The following WDR88 variants were observed in gnomAD, a reference collection of about 807,000 sequenced individuals.
WDR88 encodes WD repeat domain 88.
A neutral mutation model predicts 46.8 loss-of-function variants in WDR88; 40 were observed. The ratio of observed to expected loss-of-function variants is 0.86; its 90% CI spans 0.66 to 1.11. WDR88 has a LOEUF of 1.11. Among genes scored for constraint, WDR88 ranks in the 50% most tolerant of loss-of-function variants. The pLI is 0.00. For synonymous variants in WDR88, 235 were observed against 240.7 expected, an observed-to-expected ratio of 0.98 and a Z score of 0.22; for missense variants, 562 against 602.4, an observed-to-expected ratio of 0.93 and a Z score of 0.70.
At chr19:33,137,102 CT>C (rs1426435685) in intron 1 of WDR88, among the ~76,000 whole-genome samples, 4 of 107,634 alleles carry the variant, frequency 3.7e-5, no homozygotes, top group African/African-American at 2.2e-4. Context: ...GGCTCATTTT[CT>C]TTCTTCTTCT....
chr19:33,148,207 C>A (rs1973558895), intron 4 of WDR88, among the ~76,000 whole-genome samples: 1 of 151,962 alleles, frequency 6.6e-6, no homozygotes. Flanking sequence ...TCAAGACTCC[C>A]ACTCGGCCCT....
chr19:33,146,481 TTCCTTCCTTCCTTCCCCTTCCTTC>T, intron 3 of WDR88, among the ~76,000 whole-genome samples: 1 of 86,702 alleles, frequency 1.2e-5, no homozygotes, highest in South Asian at 5.7e-4. Context: ...CCTTCCTTCC[TTCCTTCCTTCCTTCCCCTTCCTTC>T]CTCCCTTCCT....
intron 8 of WDR88, among the ~76,000 whole-genome samples, chr19:33,163,655 T>C (rs1406982103): frequency 6.6e-6 from 1 of 151,692 alleles, no homozygotes; most frequent in Admixed American, 6.6e-5. Context: ...TTTTTTTTTT[T>C]TTGAGACAGT....
At chr19:33,174,915 C>A in intron 10 of WDR88, 1 of 985,428 alleles carries the variant, frequency 1.0e-6, no homozygotes, top group Non-Finnish European at 1.2e-6. Flanking sequence ...ATTCTCTCTG[C>A]AATTTCCGCC....
chr19:33,175,489 G>A lies in WDR88; in HGVS notation c.1336G>A (p.Gly446Ser), dbSNP rs756563131. Residue 446 changes from glycine (G) to serine (S), a missense_variant, in exon 11 of 11, where the codon GGC becomes AGC. Gly to Ser is a moderately conservative substitution (Grantham distance 56). Coordinates refer to ENST00000355868, the MANE Select transcript of WDR88 (RefSeq NM_173479.4). ...QCVFCRIDTR[G>S]LPADTSSSSS... The stretch of plus-strand genomic sequence containing the variant: ...CGTGTTCTGCCGGATAGATACAAGG[G>A]GCTTGCCAGCAGATACTTCATCGTC... 31 of 1,614,060 alleles carry A rather than the reference G, an allele frequency of 1.9e-5. No individual in the cohort carries two copies. Among genetic ancestry groups the A allele is most frequent in the South Asian group, 1.6e-4 (15 of 91,084 alleles).
At chr19:33,138,037 C>A (rs567850622) in intron 2 of WDR88, among the ~76,000 whole-genome samples, 2 of 151,114 alleles carry the variant, frequency 1.3e-5, no homozygotes, top group South Asian at 2.1e-4. Flanking sequence ...GAGTGCCACA[C>A]ATTTTTTTTT....
At chr19:33,167,827 C>A (rs902851480) in intron 9 of WDR88, among the ~76,000 whole-genome samples, 2 of 151,544 alleles carry the variant, frequency 1.3e-5, no homozygotes. Context: ...ATTCTGTCAC[C>A]CAGGCTAGAG....
At chr19:33,134,305 T>G (rs568887526) in intron 1 of WDR88, among the ~76,000 whole-genome samples, 2 of 152,030 alleles carry the variant, frequency 1.3e-5, no homozygotes, top group South Asian at 4.2e-4. Flanking sequence ...CTAGGTTTTT[T>G]GTTTTCCTAT....
intron 9 of WDR88, among the ~76,000 whole-genome samples, chr19:33,170,168 C>T (rs953229321): frequency 6.0e-5 from 9 of 150,552 alleles, no homozygotes; most frequent in Admixed American, 3.3e-4. Context: ...TGAGCCACTG[C>T]GCCCAGCCCA....
intron 3 of WDR88, 116 bp downstream of exon 3, chr19:33,145,048 T>C: frequency 3.0e-6 from 3 of 991,406 alleles, no homozygotes; most frequent in Non-Finnish European, 4.6e-6. Flanking sequence ...GGTCTCACCA[T>C]GTGGCCTAAG....
chr19:33,149,657 CT>C (rs113775920), intron 5 of WDR88, among the ~76,000 whole-genome samples: 8,942 of 146,194 alleles, frequency 0.061, 878 homozygotes, highest in African/African-American at 0.2. Context: ...CTACCTGTAT[CT>C]TTTTTTTTTT....
intron 10 of WDR88, chr19:33,174,240 C>T (rs1313499353): frequency 7.2e-6 from 11 of 1,536,308 alleles, no homozygotes; most frequent in Non-Finnish European, 7.8e-6. Flanking sequence ...ATTTGACTTG[C>T]TCTGAATCAA....
At position 33,162,427 on chromosome 19, in the gene WDR88, C is replaced by T. The variant is rs150613335; in HGVS notation, c.1081-1770C>T. Among the ~76,000 whole-genome samples the T allele has an allele frequency of 3.1e-3, 473 of 151,850 alleles. 3 individuals carry two copies. Among genetic ancestry groups the T allele is most frequent in the African/African-American group, 0.011 (447 of 41,420 alleles). ...ATGGTGTTTCACCATGTTAGCCAGG[C>T]TGGTCTCGATCTCCTGACCTCGTGA... On this transcript the variant is annotated intron_variant, in intron 8 of 10. Coordinates refer to ENST00000355868, the MANE Select transcript of WDR88 (RefSeq NM_173479.4).
At chr19:33,138,058 C>T (rs1181481152) in intron 2 of WDR88, among the ~76,000 whole-genome samples, 4 of 149,484 alleles carry the variant, frequency 2.7e-5, no homozygotes, top group Admixed American at 1.3e-4. Flanking sequence ...TTTTTTGAGA[C>T]GGAGTTTCGC....
At chr19:33,156,235 G>C (rs536495492) in intron 6 of WDR88, 120 bp from the exon 7 acceptor site, 2 of 992,476 alleles carry the variant, frequency 2.0e-6, no homozygotes, top group Non-Finnish European at 1.5e-6. Flanking sequence ...TTGGGGCGAA[G>C]TGCTAGCATG....
Position 33,174,754 on chromosome 19 carries a change from C to T in WDR88, c.1243-642C>T, listed in dbSNP as rs545690768. 66 of 985,444 alleles carry T rather than the reference C, an allele frequency of 6.7e-5. No homozygotes were observed. The African/African-American group carries it at 1.1e-3, about 16-fold the overall frequency. The allele number at this position is 985,444 out of a possible 1,614,324, so 61.0% of individuals were successfully genotyped here. On this transcript the variant is annotated intron_variant, in intron 10 of 10. Coordinates refer to ENST00000355868, the MANE Select transcript of WDR88 (RefSeq NM_173479.4). Reference sequence around the variant, plus strand: ...AGAACAATGGATGGGGCGGGACACTCACCCCCATCCTCCCAACTGTCAAGG... The same window carrying T: ...AGAACAATGGATGGGGCGGGACACTTACCCCCATCCTCCCAACTGTCAAGG...
intron 5 of WDR88, among the ~76,000 whole-genome samples, chr19:33,149,649 A>G (rs1340119800): frequency 6.8e-6 from 1 of 148,064 alleles, no homozygotes; most frequent in Non-Finnish European, 1.5e-5. Flanking sequence ...CACCCGGCCT[A>G]CCTGTATCTT....
At chr19:33,148,719 G>T (rs896424196) in intron 4 of WDR88, 53 bp from the exon 5 acceptor site, 2 of 1,611,862 alleles carry the variant, frequency 1.2e-6, no homozygotes, top group South Asian at 1.1e-5. Context: ...GTTTACAGGT[G>T]TAACACACCA....
chr19:33,174,737 G>A lies in WDR88; in HGVS notation c.1243-659G>A, dbSNP rs1348102979. The A allele has an allele frequency of 1.2e-5, 12 of 985,444 alleles. No individual in the cohort carries two copies. In the East Asian group the frequency reaches 1.2e-3, roughly 103 times the overall value. The allele number at this position is 985,444 out of a possible 1,614,324, so 61.0% of individuals were successfully genotyped here. On this transcript the variant is annotated intron_variant, in intron 10 of 10. Transcript: ENST00000355868. ...ACAATTTTACTCGGCACAGAACAATGGATGGGGCGGGACACTCACCCCCAT... is the reference window on the plus strand; with the variant it reads ...ACAATTTTACTCGGCACAGAACAATAGATGGGGCGGGACACTCACCCCCAT...
Sources: allele counts gnomAD v4.1 joint callset (sites outside exome capture counted in the v4.1 genomes callset), GRCh38; gene constraint gnomAD v4.1.1; transcripts MANE v1.5; gene names NCBI Gene and HGNC (gene_info 2026-07-23, HGNC 2026-07-21).